Variants in TMEM184B observed in about 807,000 individuals in gnomAD.
TMEM184B encodes putative MAPK-activating protein FM08.
TMEM184B carries 17 observed loss-of-function variants against 41.8 expected under a neutral mutation model. The ratio of observed to expected loss-of-function variants is 0.41; its 90% CI spans 0.28 to 0.61. The LOEUF (loss-of-function observed/expected upper bound fraction) is 0.61, where lower values mean the gene tolerates loss of function less well. Ranked by LOEUF, TMEM184B falls within the 20% of genes least tolerant of loss-of-function variation. The pLI, the probability that TMEM184B is intolerant of heterozygous loss-of-function variation, is 0.34. For missense variants in TMEM184B, 393 were observed against 557.8 expected, an observed-to-expected ratio of 0.70 and a Z score of 2.98; for synonymous variants, 240 against 229.5, an observed-to-expected ratio of 1.05 and a Z score of -0.41.
intron 1 of TMEM184B, among the ~76,000 whole-genome samples, chr22:38,250,204 T>C (rs1323819754): frequency 1.3e-5 from 2 of 152,262 alleles, no homozygotes; most frequent in Non-Finnish European, 1.5e-5. Context: ...GGCCCCGCGA[T>C]GCAGAGGATC....
Position 38,220,623 on chromosome 22 carries a change from C to T in TMEM184B, c.*846G>A. 1 of 986,226 alleles carries T rather than the reference C, an allele frequency of 1.0e-6. No individual in the cohort carries two copies. The allele number at this position is 986,226 out of a possible 1,614,324, so 61.1% of individuals were successfully genotyped here. On this transcript the variant is annotated 3_prime_UTR_variant, in exon 9 of 9. Transcript: ENST00000361906. ...AAAGAGAGAGAGGACCCAGCATCAG[C>T]CTGGGAAGGAGGGCTGGGAGCCCCT...
chr22:38,220,300 G>A lies in TMEM184B; in HGVS notation c.*1169C>T. The A allele has an allele frequency of 5.1e-6, 5 of 986,088 alleles. No homozygotes were observed. Among genetic ancestry groups the A allele is most frequent in the Non-Finnish European group, 6.0e-6 (5 of 830,114 alleles). 61.1% of individuals were successfully genotyped at this position (986,088 alleles called of 1,614,324 possible). ...GGCCCAGCACTGCAGGATCCTGCGA[G>A]TGCCAGCAGCTGAACTAAGAGCCCC... On this transcript the variant is annotated 3_prime_UTR_variant, in exon 9 of 9. Transcript: ENST00000361906.
Position 38,221,576 on chromosome 22 carries a change from C to T in TMEM184B, c.1117G>A (p.Gly373Arg). 1 of 1,614,024 alleles carries T rather than the reference C, an allele frequency of 6.2e-7. No homozygotes were observed. Among genetic ancestry groups the T allele is most frequent in the Non-Finnish European group, 8.5e-7 (1 of 1,179,970 alleles). Residue 373 changes from glycine (G) to arginine (R), a missense_variant, in exon 9 of 9, where the codon GGG becomes AGG. Coordinates refer to ENST00000361906, the MANE Select transcript of TMEM184B (RefSeq NM_012264.5). ...TGGGCGCCACCACGCCAGGTGGGCC[C>T]AGGCTCCAGGGTGGACTGCTGCGTG... is the stretch of plus-strand genomic sequence containing the variant. ...QYTQQSTLEP[G>R]PTWRGGAHGL...
intron 3 of TMEM184B, among the ~76,000 whole-genome samples, chr22:38,237,414 C>T (rs76708072): frequency 0.012 from 1,881 of 152,344 alleles, 47 homozygotes; most frequent in African/African-American, 0.043. Flanking sequence ...CCACACACTG[C>T]GTGCGGGACC....
Position 38,226,608 on chromosome 22 carries a change from C to A in TMEM184B, c.617+171G>T. 1.3e-5 allele frequency: 8 copies of A among 613,862 alleles called. No homozygotes were observed. In the South Asian group the frequency reaches 1.5e-4, roughly 12 times the overall value. The allele number at this position is 613,862 out of a possible 1,614,324, so 38.0% of individuals were successfully genotyped here. The stretch of plus-strand genomic sequence containing the variant: ...GCTCACTCCGGGGCTGGCAGCGGGG[C>A]CAACTGCAAGGGTGTCCACTGCTGG... On this transcript the variant is annotated intron_variant, in intron 6 of 8. Coordinates refer to ENST00000361906, the MANE Select transcript of TMEM184B (RefSeq NM_012264.5). The surrounding 1 kb of genome is among the most constrained non-coding windows in gnomAD (Gnocchi z 4.6).
Position 38,230,748 on chromosome 22 carries a change from G to A in TMEM184B, c.450-4C>T, listed in dbSNP as rs745890289. On this transcript the variant is annotated splice_region_variant and splice_polypyrimidine_tract_variant and intron_variant, in intron 4 of 8. Transcript: ENST00000361906. ...GGTGCCATACATACAGCTGGACCTG[G>A]AAGAGACAAGCATAGCAGGCAGTGG... 4.3e-6 allele frequency: 7 copies of A among 1,611,150 alleles called. No homozygotes were observed. In the South Asian group the frequency reaches 7.7e-5, roughly 18 times the overall value.
At chr22:38,260,005 G>A (rs1401852291) in intron 1 of TMEM184B, among the ~76,000 whole-genome samples, 3 of 148,640 alleles carry the variant, frequency 2.0e-5, no homozygotes, top group Non-Finnish European at 3.0e-5. Flanking sequence ...GTGCAGTGGC[G>A]TGATCTTGGC....
chr22:38,244,431 G>C (rs1335719234), intron 3 of TMEM184B, among the ~76,000 whole-genome samples: 1 of 151,906 alleles, frequency 6.6e-6, no homozygotes, highest in Non-Finnish European at 1.5e-5. Flanking sequence ...CTCACACTCT[G>C]AGAATAGCAT....
chr22:38,228,442 C>G (rs1354183484), intron 5 of TMEM184B, among the ~76,000 whole-genome samples: 1 of 152,190 alleles, frequency 6.6e-6, no homozygotes, highest in Non-Finnish European at 1.5e-5. Flanking sequence ...CCCAGGCCAG[C>G]AGGCCCCAGA....
intron 8 of TMEM184B, 123 bp from the exon 9 acceptor site, chr22:38,221,833 T>C (rs2146050795): frequency 1.5e-6 from 2 of 1,372,816 alleles, no homozygotes; most frequent in Non-Finnish European, 2.0e-6. Context: ...CCTTCAACCA[T>C]CCCTTCTGGG....
At chr22:38,250,062 G>T (rs573894640) in intron 1 of TMEM184B, among the ~76,000 whole-genome samples, 3 of 152,190 alleles carry the variant, frequency 2.0e-5, no homozygotes, top group African/African-American at 7.2e-5. Context: ...CGACCGTCTC[G>T]GTCTGAACCC....
At chr22:38,247,735 G>A in intron 2 of TMEM184B, 35 bp downstream of exon 2, 1 of 1,588,484 alleles carries the variant, frequency 6.3e-7, no homozygotes, top group South Asian at 1.2e-5. Context: ...AACCTTTCTG[G>A]ACCTTTCTAG....
At chr22:38,234,405 T>TAG (rs2091717295) in intron 3 of TMEM184B, among the ~76,000 whole-genome samples, 1 of 152,176 alleles carries the variant, frequency 6.6e-6, no homozygotes, top group South Asian at 2.1e-4. Flanking sequence ...TCAGGTGATT[T>TAG]GCCCCAGCCT....
At chr22:38,218,184 C>T (rs1602342135), downstream of TMEM184B, among the ~76,000 whole-genome samples, 1 of 152,176 alleles carries the variant, frequency 6.6e-6, no homozygotes, top group African/African-American at 2.4e-5. Context: ...CACCTGCAGG[C>T]CTAAACCATA....
Position 38,226,604 on chromosome 22 carries a change from G to A in TMEM184B, c.617+175C>T, listed in dbSNP as rs767558560. On this transcript the variant is annotated intron_variant, in intron 6 of 8. Transcript: ENST00000361906. The surrounding 1 kb of genome is among the most constrained non-coding windows in gnomAD (Gnocchi z 4.6). ...AATGGCTCACTCCGGGGCTGGCAGC[G>A]GGGCCAACTGCAAGGGTGTCCACTG... is the stretch of plus-strand genomic sequence containing the variant. 15 of 594,086 alleles carry A rather than the reference G, an allele frequency of 2.5e-5. No individual in the cohort carries two copies. The highest frequency in any genetic ancestry group is 7.4e-5 in the African/African-American group (4 of 53,840). The allele number at this position is 594,086 out of a possible 1,614,324, so 36.8% of individuals were successfully genotyped here.
At chr22:38,233,551 T>C (rs1426958318) in intron 3 of TMEM184B, among the ~76,000 whole-genome samples, 2 of 152,192 alleles carry the variant, frequency 1.3e-5, no homozygotes, top group East Asian at 3.8e-4. Flanking sequence ...CAGCTCAGGA[T>C]GTCTCAGGAC....
chr22:38,220,179 G>A lies in TMEM184B; in HGVS notation c.*1290C>T. On this transcript the variant is annotated 3_prime_UTR_variant, in exon 9 of 9. Transcript: ENST00000361906. ...TCAGGAGCTAGTATAAGCCCAGCCT[G>A]CTGGGGGTTCCGGAGGCCCCAGGTC... 1.0e-6 allele frequency: 1 copy of A among 985,594 alleles called. No homozygotes were observed. Among genetic ancestry groups the A allele is most frequent in the Non-Finnish European group, 1.2e-6 (1 of 829,986 alleles). 61.1% of individuals were successfully genotyped at this position (985,594 alleles called of 1,614,324 possible).
Position 38,221,626 on chromosome 22 carries a change from T to G in TMEM184B, c.1067A>C (p.Asn356Thr). 4.3e-6 allele frequency: 7 copies of G among 1,613,918 alleles called. No individual in the cohort carries two copies. The highest frequency in any genetic ancestry group is 5.9e-6 in the Non-Finnish European group (7 of 1,179,964). ...GTACTGCTGGTAGGCAGGTGAGAAG[T>G]TGTGGATGGCGTCCTGCACGATGTC... ...PHDIVQDAIH[N>T]FSPAYQQYTQ... Residue 356 changes from asparagine to threonine, a missense_variant, in exon 9 of 9, where the codon AAC (asparagine) becomes ACC (threonine). By Grantham distance (65) the Asn-to-Thr change is moderately conservative. Transcript: ENST00000361906.
rs537025658 is a variant in TMEM184B at position 38,272,286 on chromosome 22, G to A, written c.-59+598C>T. ...CCAGGAGGAAATGTACAATTCACGG[G>A]AAGGATACAGACACCCAAAACCAGT... On this transcript the variant is annotated intron_variant, in intron 1 of 8. Coordinates refer to ENST00000361906, the MANE Select transcript of TMEM184B (RefSeq NM_012264.5). 1.5e-3 allele frequency among the ~76,000 whole-genome samples: 221 copies of A among 152,272 alleles called. 1 individual carries two copies. The highest frequency in any genetic ancestry group is 5.0e-3 in the African/African-American group (206 of 41,542).
Sources: gnomAD v4.1 joint callset for allele counts (sites outside exome capture counted in the v4.1 genomes callset) on GRCh38, gnomAD v4.1.1 for gene constraint, Gnocchi (gnomAD v3.1) non-coding constraint, MANE v1.5 for transcripts, NCBI Gene and HGNC (gene_info 2026-07-23, HGNC 2026-07-21) for gene names.